NLGN4Y: variants seen among roughly 807,000 people sequenced by gnomAD.
The protein encoded by NLGN4Y is neuroligin-4, Y-linked.
In NLGN4Y, 4 loss-of-function variants were observed where a neutral mutation model predicts 8.4. That is an observed-to-expected ratio of 0.48 (90% CI 0.23 to 1.09). The LOEUF is 1.09. NLGN4Y is among the 50% of genes least tolerant of loss of function. The pLI, the probability that NLGN4Y is intolerant of heterozygous loss-of-function variation, is 0.19. For missense variants in NLGN4Y, 90 were observed against 192.3 expected (o/e 0.47, Z 3.15); for synonymous variants, 35 against 75.6 (o/e 0.46, Z 2.78).
chrY:14,540,743 A>T, intron 1 of NLGN4Y, among the ~76,000 whole-genome samples: 1 of 33,754 alleles, frequency 3.0e-5, no homozygotes, highest in Non-Finnish European at 7.3e-5. Context: ...GCCTGTTAGA[A>T]TGAGAACTAA....
chrY:14,694,072 T>C (rs2080820096), intron 2 of NLGN4Y, among the ~76,000 whole-genome samples: 1 of 33,621 alleles, frequency 3.0e-5, no homozygotes, highest in East Asian at 8.0e-4. Flanking sequence ...GCAGATCATT[T>C]ATCTCTTTGG....
intron 1 of NLGN4Y, among the ~76,000 whole-genome samples, chrY:14,537,594 C>G: frequency 3.0e-5 from 1 of 33,398 alleles, no homozygotes. Context: ...CCCTTCCTCT[C>G]CCCATCCCAC....
intron 4 of NLGN4Y, among the ~76,000 whole-genome samples, chrY:14,815,241 G>A: frequency 3.0e-5 from 1 of 33,207 alleles, no homozygotes; most frequent in Admixed American, 2.8e-4. Flanking sequence ...AAAACTGAGT[G>A]GCTCCCTGTG....
At chrY:14,773,362 A>G (rs2081113357) in intron 4 of NLGN4Y, among the ~76,000 whole-genome samples, 1 of 33,145 alleles carries the variant, frequency 3.0e-5, no homozygotes, top group African/African-American at 1.2e-4. Context: ...AAAACTTAAA[A>G]GGGATGTGAA....
intron 6 of NLGN4Y, among the ~76,000 whole-genome samples, chrY:14,831,062 G>A: frequency 3.0e-5 from 1 of 33,095 alleles, no homozygotes; most frequent in South Asian, 7.0e-4. Context: ...GTAGAGACAA[G>A]TTCTCACTCT....
chrY:14,531,975 G>A, intron 1 of NLGN4Y, among the ~76,000 whole-genome samples: 1 of 32,001 alleles, frequency 3.1e-5, no homozygotes, highest in African/African-American at 1.2e-4. Flanking sequence ...GTTACTATGC[G>A]TAGTGGTCCA....
At chrY:14,558,956 G>T (rs993102914) in intron 1 of NLGN4Y, among the ~76,000 whole-genome samples, 6 of 33,104 alleles carry the variant, frequency 1.8e-4, no homozygotes, top group African/African-American at 3.6e-4. Flanking sequence ...TGAAGCAGAG[G>T]ATTCCCGGTT....
In NLGN4Y at chrY:14,629,992, T is replaced by A. The variant is rs774555362; in HGVS notation, c.472+7401T>A. On this transcript the variant is annotated intron_variant, in intron 2 of 6. Coordinates refer to ENST00000684976, the MANE Select transcript of NLGN4Y (RefSeq NM_001365588.1). ...GAAGAATCATGGTCCTTGAGAGATG[T>A]GCATGGCCTTCCTCCTCCCTTCACC... Among the ~76,000 whole-genome samples the A allele has an allele frequency of 5.9e-4, 20 of 33,774 alleles. No individual in the cohort carries two copies. In the South Asian group the frequency reaches 0.013, roughly 23 times the overall value. 90.6% of individuals were successfully genotyped at this position (33,774 alleles called of 37,273 possible).
In NLGN4Y at chrY:14,655,290, T is replaced by C. The variant is rs1603502136; in HGVS notation, c.472+32699T>C. Among the ~76,000 whole-genome samples, 32 of 29,092 alleles carry C rather than the reference T, an allele frequency of 1.1e-3. No individual in the cohort carries two copies. The East Asian group carries it at 0.023, about 21-fold the overall frequency. The allele number at this position is 29,092 out of a possible 37,273, so 78.1% of individuals were successfully genotyped here. A position where few individuals can be genotyped will look rare whatever the true frequency, so the allele number is the denominator to read the frequency against. On this transcript the variant is annotated intron_variant, in intron 2 of 6. Transcript: ENST00000684976. Reference sequence around the variant, plus strand: ...TTTTAAGCCTTTTTTTTTTTTTTTTTCCCTCTCATCCTGGGAACTTCTCAG... The same window carrying C: ...TTTTAAGCCTTTTTTTTTTTTTTTTCCCCTCTCATCCTGGGAACTTCTCAG...
At chrY:14,590,344 C>A in intron 1 of NLGN4Y, among the ~76,000 whole-genome samples, 1 of 33,863 alleles carries the variant, frequency 3.0e-5, no homozygotes, top group Non-Finnish European at 7.4e-5. Flanking sequence ...ATGCTGTCAC[C>A]TCTCAATCCC....
chrY:14,811,440 T>G, intron 4 of NLGN4Y, among the ~76,000 whole-genome samples: 1 of 33,624 alleles, frequency 3.0e-5, no homozygotes, highest in African/African-American at 1.2e-4. Context: ...TATATATGGT[T>G]ATATATGCAT....
chrY:14,557,373 T>G, intron 1 of NLGN4Y, among the ~76,000 whole-genome samples: 2 of 33,276 alleles, frequency 6.0e-5, no homozygotes, highest in South Asian at 1.4e-3. Flanking sequence ...GCCTTCAGAA[T>G]GAAGACGCAA....
chrY:14,793,863 C>G, intron 4 of NLGN4Y: 1 of 29,648 alleles, frequency 3.4e-5, no homozygotes, highest in African/African-American at 1.3e-4. Context: ...TGGTGGTGCA[C>G]TCCTGTAATC....
chrY:14,807,530 GA>G (rs781110445), intron 4 of NLGN4Y, among the ~76,000 whole-genome samples: 8 of 30,439 alleles, frequency 2.6e-4, no homozygotes, highest in Non-Finnish European at 2.4e-4. Context: ...AAATATAAAT[GA>G]AAAAAAAACA....
intron 1 of NLGN4Y, among the ~76,000 whole-genome samples, chrY:14,587,981 T>G: frequency 3.0e-5 from 1 of 33,321 alleles, no homozygotes; most frequent in Non-Finnish European, 7.4e-5. Flanking sequence ...ATGGCTCAAT[T>G]GTAGCAATTG....
At chrY:14,779,826 G>C in intron 4 of NLGN4Y, among the ~76,000 whole-genome samples, 1 of 32,918 alleles carries the variant, frequency 3.0e-5, no homozygotes, top group Non-Finnish European at 7.4e-5. Context: ...CATAAAAATA[G>C]GCAATAGATA....
intron 1 of NLGN4Y, among the ~76,000 whole-genome samples, chrY:14,546,180 C>G (rs113964221): frequency 6.5e-5 from 2 of 30,953 alleles, no homozygotes; most frequent in Non-Finnish European, 1.6e-4. Flanking sequence ...GTTACTGTAG[C>G]CTTGTAGTAT....
chrY:14,802,224 G>T (rs2043035579), intron 4 of NLGN4Y, among the ~76,000 whole-genome samples: 4 of 30,500 alleles, frequency 1.3e-4, no homozygotes, highest in African/African-American at 2.5e-4. Flanking sequence ...TACCTGGAGA[G>T]CTCTCTCTCT....
At chrY:14,759,551 G>T (rs2081074155) in intron 4 of NLGN4Y, among the ~76,000 whole-genome samples, 1 of 34,063 alleles carries the variant, frequency 2.9e-5, no homozygotes, top group Non-Finnish European at 7.3e-5. Flanking sequence ...CTCGCGATCC[G>T]CCCGCCTCGG....
Sources: gnomAD v4.1 joint callset for allele counts (sites outside exome capture counted in the v4.1 genomes callset) on GRCh38, gnomAD v4.1.1 for gene constraint, MANE v1.5 for transcripts, NCBI Gene and HGNC (gene_info 2026-07-23, HGNC 2026-07-21) for gene names.